The following MERTK variants were observed in gnomAD, a reference collection of about 807,000 sequenced individuals.
MERTK encodes the protein MER proto-oncogene, tyrosine kinase.
Under a neutral mutation model 99.3 loss-of-function variants are expected in MERTK, and 69 were observed. That is an observed-to-expected ratio of 0.70 (90% CI 0.57 to 0.85). MERTK has a LOEUF of 0.85. MERTK is among the 40% of genes least tolerant of loss of function. The probability of loss-of-function intolerance (pLI) is 0.00; values close to 1 mark genes in which losing one functional copy is unlikely to be tolerated. For synonymous variants in MERTK, 426 were observed against 467.6 expected, an observed-to-expected ratio of 0.91 and a Z score of 1.15; for missense variants, 1,125 against 1,249.4, an observed-to-expected ratio of 0.90 and a Z score of 1.50.
intron 4 of MERTK, among the ~76,000 whole-genome samples, chr2:111,964,055 TG>T (rs1685310589): frequency 6.8e-6 from 1 of 146,888 alleles, no homozygotes. Flanking sequence ...TTTTTTTTTT[TG>T]CTCTTTCCAT....
chr2:111,967,341 C>T (rs547760818), intron 5 of MERTK, among the ~76,000 whole-genome samples: 52 of 152,236 alleles, frequency 3.4e-4, no homozygotes, highest in African/African-American at 1.2e-3. Context: ...TAAAGAAAGC[C>T]CTCAAAGTGT....
chr2:112,003,048 A>G (rs1282017988), intron 11 of MERTK, 44 bp from the exon 12 acceptor site: 3 of 867,060 alleles, frequency 3.5e-6, no homozygotes, highest in Non-Finnish European at 6.0e-6. Context: ...GTGAAAGAAA[A>G]CACGCTGACA....
At chr2:111,934,367 C>T (rs2104692013) in intron 2 of MERTK, among the ~76,000 whole-genome samples, 1 of 152,298 alleles carries the variant, frequency 6.6e-6, no homozygotes, top group East Asian at 1.9e-4. Flanking sequence ...TATTTCTCCA[C>T]ATCCTCTCCA....
At chr2:112,019,934 T>G (rs1180229679) in intron 16 of MERTK, among the ~76,000 whole-genome samples, 2 of 152,260 alleles carry the variant, frequency 1.3e-5, no homozygotes, top group Non-Finnish European at 2.9e-5. Flanking sequence ...TTTTGTACTT[T>G]GAATACATGG....
chr2:112,021,974 A>G (rs1005503997), intron 17 of MERTK, among the ~76,000 whole-genome samples: 1 of 152,166 alleles, frequency 6.6e-6, no homozygotes, highest in Non-Finnish European at 1.5e-5. Context: ...AGATAAGGAA[A>G]AAAAAGCACC....
intron 9 of MERTK, chr2:111,996,272 A>G: frequency 6.5e-6 from 1 of 154,476 alleles, no homozygotes; most frequent in South Asian, 2.0e-4. Context: ...CCATAATGGC[A>G]TAAAGCATAA....
At chr2:111,963,031 G>T (rs1685280136) in intron 4 of MERTK, among the ~76,000 whole-genome samples, 1 of 152,162 alleles carries the variant, frequency 6.6e-6, no homozygotes, top group Non-Finnish European at 1.5e-5. Flanking sequence ...TCATTCTTGG[G>T]TGTTTCTCGG....
At chr2:111,984,886 A>G (rs1459606056) in intron 8 of MERTK, among the ~76,000 whole-genome samples, 3 of 152,334 alleles carry the variant, frequency 2.0e-5, no homozygotes, top group East Asian at 1.9e-4. Flanking sequence ...CTGAAAATGT[A>G]TATCAGAATC....
Position 111,929,183 on chromosome 2 carries a change from G to A in MERTK, c.125G>A (p.Ser42Asn). 1 of 1,614,186 alleles carries A rather than the reference G, an allele frequency of 6.2e-7. No individual in the cohort carries two copies. Among genetic ancestry groups the A allele is most frequent in the East Asian group, 2.2e-5 (1 of 44,878 alleles). ...YPLFPGPFPG[S>N]LQTDHTPLLS... ...CTATTCCCGGGACCTTTTCCAGGGA[G>A]CCTGCAAACTGACCACACACCGCTG... The change falls in exon 2 of 19, where the codon AGC becomes AAC. Residue 42 changes from serine to asparagine, a missense_variant. By Grantham distance (46) the Ser-to-Asn change is conservative (BLOSUM62 1). Transcript: ENST00000295408.
chr2:111,939,098 G>A (rs568299217), intron 2 of MERTK, among the ~76,000 whole-genome samples: 2 of 152,236 alleles, frequency 1.3e-5, no homozygotes, highest in East Asian at 3.9e-4. Flanking sequence ...AAATTATAAA[G>A]AAAGGAAATT....
intron 8 of MERTK, among the ~76,000 whole-genome samples, chr2:111,984,845 CT>C (rs535693609): frequency 6.6e-6 from 1 of 152,222 alleles, no homozygotes; most frequent in South Asian, 2.1e-4. Flanking sequence ...CAGCAGCAGG[CT>C]CCTGCCAGCT....
intron 6 of MERTK, among the ~76,000 whole-genome samples, chr2:111,975,003 A>C (rs562680129): frequency 2.6e-5 from 4 of 152,164 alleles, no homozygotes; most frequent in Non-Finnish European, 4.4e-5. Flanking sequence ...TTTATTTTAT[A>C]GTATAATATG....
At chr2:112,022,128 C>A in intron 17 of MERTK, 130 bp from the exon 18 acceptor site, 2 of 1,249,278 alleles carry the variant, frequency 1.6e-6, no homozygotes, top group Non-Finnish European at 2.3e-6. Flanking sequence ...GAGAGCAGTG[C>A]GTCTCACACA....
intron 15 of MERTK, among the ~76,000 whole-genome samples, chr2:112,017,200 A>G (rs1381983181): frequency 6.6e-6 from 1 of 151,864 alleles, no homozygotes; most frequent in Admixed American, 6.6e-5. Flanking sequence ...TGCATTTACA[A>G]CCCTCTAGCT....
chr2:112,001,340 AGAAG>A, intron 11 of MERTK, 54 bp downstream of exon 11: 3 of 1,358,912 alleles, frequency 2.2e-6, no homozygotes, highest in Non-Finnish European at 3.2e-6. Flanking sequence ...TTGAGAACAA[AGAAG>A]GATCAATAGA....
chr2:111,941,137 CT>C (rs1325590706), intron 2 of MERTK: 12 of 351,434 alleles, frequency 3.4e-5, no homozygotes, highest in African/African-American at 2.5e-4. Flanking sequence ...AAATGCCATT[CT>C]TTTTCCTACC....
intron 8 of MERTK, 56 bp downstream of exon 8, chr2:111,983,049 T>C (rs1286196398): frequency 6.2e-7 from 1 of 1,607,128 alleles, no homozygotes; most frequent in Non-Finnish European, 8.5e-7. Flanking sequence ...CTTGCTGGTT[T>C]ACTTCAGTTT....
chr2:112,008,586 C>A, intron 14 of MERTK, 111 bp downstream of exon 14: 1 of 830,004 alleles, frequency 1.2e-6, no homozygotes, highest in Middle Eastern at 2.2e-4. Context: ...ATAACCCCAA[C>A]ATAACTTATA....
intron 15 of MERTK, among the ~76,000 whole-genome samples, chr2:112,018,318 T>C (rs1677260860): frequency 6.6e-6 from 1 of 152,204 alleles, no homozygotes; most frequent in Non-Finnish European, 1.5e-5. Flanking sequence ...CATTACATCT[T>C]CATGAATGAC....
Sources: allele counts gnomAD v4.1 joint callset (sites outside exome capture counted in the v4.1 genomes callset), GRCh38; gene constraint gnomAD v4.1.1; transcripts MANE v1.5; gene names NCBI Gene and HGNC (gene_info 2026-07-23, HGNC 2026-07-21).